LRRC1: variants seen among roughly 807,000 people sequenced by gnomAD.
The protein encoded by LRRC1 is leucine rich repeat containing 1.
A neutral mutation model predicts 69.9 loss-of-function variants in LRRC1; 28 were observed. The observed-to-expected ratio is 0.40, with a 90% CI of 0.30 to 0.55. LRRC1 has a LOEUF of 0.55. Among genes scored for constraint, LRRC1 ranks in the 20% least tolerant of loss-of-function variants. LRRC1 has a pLI of 0.47. For missense variants in LRRC1, 498 were observed against 609.0 expected (o/e 0.82, Z 1.92); for synonymous variants, 236 against 240.2 (o/e 0.98, Z 0.16).
chr6:53,905,438 T>G (rs1450218694), intron 10 of LRRC1: 3 of 152,182 alleles, frequency 2.0e-5, no homozygotes, highest in Non-Finnish European at 4.4e-5. Flanking sequence ...GAGCTTGATT[T>G]TTTTTATCAG....
chr6:53,806,642 C>T (rs971662005), intron 1 of LRRC1, among the ~76,000 whole-genome samples: 1 of 152,120 alleles, frequency 6.6e-6, no homozygotes, highest in Non-Finnish European at 1.5e-5. Context: ...CAGAGTGAAC[C>T]TTTGATGAGT....
At chr6:53,855,113 C>A (rs959586043) in intron 2 of LRRC1, among the ~76,000 whole-genome samples, 1 of 152,128 alleles carries the variant, frequency 6.6e-6, no homozygotes, top group South Asian at 2.1e-4. Context: ...GTACCCAGGG[C>A]CATGTAGGTA....
intron 2 of LRRC1, among the ~76,000 whole-genome samples, chr6:53,854,177 A>G (rs966963420): frequency 2.0e-5 from 3 of 152,224 alleles, no homozygotes; most frequent in South Asian, 2.1e-4. Flanking sequence ...CAAGCAGCCA[A>G]TAAGCTTGCC....
At chr6:53,918,287 C>T (rs1038090932) in intron 11 of LRRC1, among the ~76,000 whole-genome samples, 1 of 152,156 alleles carries the variant, frequency 6.6e-6, no homozygotes, top group African/African-American at 2.4e-5. Context: ...GTACTGCACC[C>T]AATACATATG....
rs150019141 is a variant in LRRC1 at position 53,835,800 on chromosome 6, T to C, written c.160-6310T>C. Among the ~76,000 whole-genome samples, 550 of 152,324 alleles carry C rather than the reference T, an allele frequency of 3.6e-3. 1 individual carries two copies. Among genetic ancestry groups the C allele is most frequent in the Non-Finnish European group, 6.6e-3 (452 of 68,014 alleles). ...AATTTTGTACATAATCTACCCAGTT[T>C]TCATGTGTGTTCTGTGGCATATCTG... On this transcript the variant is annotated intron_variant, in intron 1 of 13. Coordinates refer to ENST00000370888, the MANE Select transcript of LRRC1 (RefSeq NM_018214.5).
At chr6:53,888,002 A>T (rs1767546244) in intron 4 of LRRC1, among the ~76,000 whole-genome samples, 2 of 152,212 alleles carry the variant, frequency 1.3e-5, no homozygotes, top group South Asian at 4.1e-4. Context: ...ACTATCACTA[A>T]AAACACTTAG....
At chr6:53,823,090 C>G (rs1026425540) in intron 1 of LRRC1, among the ~76,000 whole-genome samples, 3 of 152,184 alleles carry the variant, frequency 2.0e-5, no homozygotes, top group African/African-American at 7.2e-5. Context: ...CACTGTGACT[C>G]TGGAGTGTAA....
intron 5 of LRRC1, 126 bp downstream of exon 5, chr6:53,896,680 CCTTTT>C: frequency 9.6e-7 from 1 of 1,042,574 alleles, no homozygotes; most frequent in Non-Finnish European, 1.5e-6. Flanking sequence ...TGCCAGCCGG[CCTTTT>C]CTTAACAATC....
intron 1 of LRRC1, among the ~76,000 whole-genome samples, chr6:53,828,399 C>T (rs1041512598): frequency 3.9e-5 from 6 of 152,162 alleles, no homozygotes; most frequent in African/African-American, 1.2e-4. Flanking sequence ...AGGCTGATGC[C>T]GGAGGGGCTG....
rs571066746 is a variant in LRRC1 at position 53,894,876 on chromosome 6, T to G, written c.447-1622T>G. Among the ~76,000 whole-genome samples, 416 of 152,256 alleles carry G rather than the reference T, an allele frequency of 2.7e-3. 3 individuals carry two copies. Among genetic ancestry groups the G allele is most frequent in the African/African-American group, 9.5e-3 (393 of 41,560 alleles). On this transcript the variant is annotated intron_variant, in intron 4 of 13. Coordinates refer to ENST00000370888, the MANE Select transcript of LRRC1 (RefSeq NM_018214.5). The stretch of plus-strand genomic sequence containing the variant: ...CTGCAACTCCGCACCAAGTTACATT[T>G]GATTTGAAGAACGTTGGTGTTAATT...
intron 1 of LRRC1, among the ~76,000 whole-genome samples, chr6:53,832,582 G>A (rs1765461266): frequency 6.6e-6 from 1 of 152,162 alleles, no homozygotes; most frequent in Non-Finnish European, 1.5e-5. Context: ...TTGGATATCT[G>A]TTTGACTGCT....
At position 53,922,623 on chromosome 6, in the gene LRRC1, G is replaced by A. The variant is rs1040677397; in HGVS notation, c.1417-12G>A. 5 of 1,602,512 alleles carry A rather than the reference G, an allele frequency of 3.1e-6. No homozygotes were observed. The African/African-American group carries it at 6.7e-5, about 21-fold the overall frequency. On this transcript the variant is annotated splice_polypyrimidine_tract_variant and intron_variant, in intron 13 of 13. Transcript: ENST00000370888. ...ATAAAACCAAAACACTCACTCCACT[G>A]TTTGTTTTTAGAGAACACTTCTAAG...
chr6:53,892,875 A>G (rs1767748691), intron 4 of LRRC1, among the ~76,000 whole-genome samples: 1 of 152,212 alleles, frequency 6.6e-6, no homozygotes, highest in South Asian at 2.1e-4. Flanking sequence ...GATACTTGGA[A>G]CTGAGAATGA....
chr6:53,911,520 G>C lies in LRRC1; in HGVS notation c.991-2334G>C, dbSNP rs78013043. Among the ~76,000 whole-genome samples, 1,217 of 152,248 alleles carry C rather than the reference G, an allele frequency of 8.0e-3. 14 individuals carry two copies. The highest frequency in any genetic ancestry group is 0.027 in the African/African-American group (1,105 of 41,556). ...CAGGAGCTGATTATCCCATCCGGAC[G>C]ATCATATGAATGATAATATCTGCTT... On this transcript the variant is annotated intron_variant, in intron 10 of 13. Coordinates refer to ENST00000370888, the MANE Select transcript of LRRC1 (RefSeq NM_018214.5).
At chr6:53,895,984 T>G (rs1204000832) in intron 4 of LRRC1, among the ~76,000 whole-genome samples, 2 of 152,218 alleles carry the variant, frequency 1.3e-5, no homozygotes, top group Non-Finnish European at 2.9e-5. Flanking sequence ...ATCCATGAAT[T>G]TATGATCATA....
rs79354768 is a variant in LRRC1, at chr6:53,869,202, G to T, written c.278-9791G>T. Among the ~76,000 whole-genome samples the T allele has an allele frequency of 8.6e-3, 1,304 of 152,138 alleles. 15 individuals are homozygous for T. The highest frequency in any genetic ancestry group is 0.029 in the African/African-American group (1,193 of 41,484). ...TCTGGTAGATTGAGGCCTGAACCAG[G>T]TTGATAATAATAGGAGTGGACAGAA... is the stretch of plus-strand genomic sequence containing the variant. On this transcript the variant is annotated intron_variant, in intron 2 of 13. Transcript: ENST00000370888.
intron 4 of LRRC1, among the ~76,000 whole-genome samples, 155 bp from the exon 5 acceptor site, chr6:53,896,343 T>C (rs1445577379): frequency 6.6e-6 from 1 of 152,122 alleles, no homozygotes; most frequent in African/African-American, 2.4e-5. Context: ...TTAATGGGTG[T>C]GGGGGGTGGT....
At chr6:53,825,903 C>T (rs1361394286) in intron 1 of LRRC1, among the ~76,000 whole-genome samples, 1 of 151,916 alleles carries the variant, frequency 6.6e-6, no homozygotes, top group Admixed American at 6.6e-5. Flanking sequence ...TTTTCTATTG[C>T]TGTGTTCTTT....
intron 1 of LRRC1, among the ~76,000 whole-genome samples, chr6:53,806,315 G>A (rs1382878017): frequency 1.3e-5 from 2 of 152,178 alleles, no homozygotes; most frequent in African/African-American, 2.4e-5. Flanking sequence ...CATCTTGGGG[G>A]AAGTTTTCAG....
Sources: gnomAD v4.1 joint callset for allele counts (sites outside exome capture counted in the v4.1 genomes callset) on GRCh38, gnomAD v4.1.1 for gene constraint, MANE v1.5 for transcripts, NCBI Gene and HGNC (gene_info 2026-07-23, HGNC 2026-07-21) for gene names.